The following NTN4 variants were observed in gnomAD, a reference collection of about 807,000 sequenced individuals.
The protein encoded by NTN4 is netrin 4, also known as netrin-4.
NTN4 carries 32 observed loss-of-function variants against 73.6 expected under a neutral mutation model. That is an observed-to-expected ratio of 0.44 (90% CI 0.33 to 0.58). NTN4 has a LOEUF of 0.58. Among genes scored for constraint, NTN4 ranks in the 20% least tolerant of loss-of-function variants. The pLI, the probability that NTN4 is intolerant of heterozygous loss-of-function variation, is 0.04. For missense variants in NTN4, 654 were observed against 798.3 expected, an observed-to-expected ratio of 0.82 and a Z score of 2.18; for synonymous variants, 258 against 287.5, an observed-to-expected ratio of 0.90 and a Z score of 1.04.
intron 2 of NTN4, among the ~76,000 whole-genome samples, chr12:95,749,980 C>G (rs2078892535): frequency 1.3e-5 from 2 of 149,736 alleles, no homozygotes; most frequent in Admixed American, 6.7e-5. Flanking sequence ...CCCTTAGTGG[C>G]AAGTCCCGCT....
chr12:95,674,297 C>A (rs1204548139), intron 7 of NTN4, among the ~76,000 whole-genome samples: 2 of 152,198 alleles, frequency 1.3e-5, no homozygotes, highest in Non-Finnish European at 2.9e-5. Context: ...TACTGTTCCT[C>A]AACACAATGC....
chr12:95,697,606 C>T (rs935626517), intron 5 of NTN4, among the ~76,000 whole-genome samples: 2 of 151,324 alleles, frequency 1.3e-5, no homozygotes, highest in African/African-American at 4.9e-5. Context: ...GTAAGCAGGG[C>T]CTTACAAAAC....
intron 7 of NTN4, among the ~76,000 whole-genome samples, chr12:95,674,256 T>G (rs1431948009): frequency 6.6e-6 from 1 of 152,218 alleles, no homozygotes; most frequent in Non-Finnish European, 1.5e-5. Flanking sequence ...ACTACTGTGC[T>G]ATAAAACCTA....
At position 95,744,058 on chromosome 12, in the gene NTN4, C is replaced by G. The variant is rs149559496; in HGVS notation, c.586-5914G>C. On this transcript the variant is annotated intron_variant, in intron 2 of 9. Transcript: ENST00000343702. ...TTGGGATTACAGGCTCCTGCCACCACGCCCGGCTAATTTTTGCATTTTTAG... is the reference window on the plus strand; with the variant it reads ...TTGGGATTACAGGCTCCTGCCACCAGGCCCGGCTAATTTTTGCATTTTTAG... Among the ~76,000 whole-genome samples the G allele has an allele frequency of 3.3e-5, 5 of 152,146 alleles. No homozygotes were observed. The South Asian group carries it at 1.0e-3, about 32-fold the overall frequency.
chr12:95,785,572 A>C (rs1362505955), intron 2 of NTN4, among the ~76,000 whole-genome samples: 1 of 152,198 alleles, frequency 6.6e-6, no homozygotes, highest in Admixed American at 6.5e-5. Flanking sequence ...CACACAGAAG[A>C]AGCGGCTGAA....
intron 7 of NTN4, among the ~76,000 whole-genome samples, chr12:95,676,085 T>C (rs922418341): frequency 3.3e-5 from 5 of 152,150 alleles, no homozygotes; most frequent in African/African-American, 1.2e-4. Context: ...TTAGAGATAA[T>C]CAGTAAACAA....
rs1022558893 is a variant in NTN4, at chr12:95,659,036, T to G, written c.*50A>C. The G allele has an allele frequency of 3.3e-6, 5 of 1,526,986 alleles. No homozygotes were observed. The highest frequency in any genetic ancestry group is 3.5e-6 in the Non-Finnish European group (4 of 1,141,340). 94.6% of individuals were successfully genotyped at this position (1,526,986 alleles called of 1,614,324 possible). A position where few individuals can be genotyped will look rare whatever the true frequency, so the allele number is the denominator to read the frequency against. On this transcript the variant is annotated 3_prime_UTR_variant, in exon 10 of 10. Transcript: ENST00000343702. Reference sequence around the variant, plus strand: ...TGTCTGAGGTCTTCTTGCTCTAAAGTTTGTGTTTTGTACATAGACAAGTGC... The same window carrying G: ...TGTCTGAGGTCTTCTTGCTCTAAAGGTTGTGTTTTGTACATAGACAAGTGC...
At chr12:95,721,819 T>C (rs934201996) in intron 3 of NTN4, among the ~76,000 whole-genome samples, 1 of 152,234 alleles carries the variant, frequency 6.6e-6, no homozygotes, top group Admixed American at 6.5e-5. Context: ...AGCTTTGAAT[T>C]ATTTATCTAA....
chr12:95,768,079 C>A (rs1460276461), intron 2 of NTN4, among the ~76,000 whole-genome samples: 2 of 152,134 alleles, frequency 1.3e-5, no homozygotes, highest in African/African-American at 4.8e-5. Flanking sequence ...GTAACAATAA[C>A]AACAATAGTG....
chr12:95,770,442 C>T (rs2079049445), intron 2 of NTN4, among the ~76,000 whole-genome samples: 1 of 152,088 alleles, frequency 6.6e-6, no homozygotes, highest in African/African-American at 2.4e-5. Context: ...GTGAGGTGCC[C>T]GGCTCTCCTG....
intron 2 of NTN4, among the ~76,000 whole-genome samples, chr12:95,769,532 GGAA>G (rs1315936746): frequency 2.0e-4 from 27 of 136,148 alleles, no homozygotes; most frequent in East Asian, 6.4e-4. Flanking sequence ...AGCCAGTGGT[GGAA>G]GAAGATTTAT....
rs1349857597 is a variant in NTN4 at position 95,682,056 on chromosome 12, G to GTTTTTTT, written c.1510+650_1510+651insAAAAAAA. Among the ~76,000 whole-genome samples the GTTTTTTT allele has an allele frequency of 9.5e-4, 36 of 37,934 alleles. 1 individual carries two copies. The highest frequency in any genetic ancestry group is 2.5e-3 in the South Asian group (2 of 808). The allele number at this position is 37,934 out of a possible 152,430, so 24.9% of individuals were successfully genotyped here. ...TTTCCAAACCTAATATATTCAGTAG[G>GTTTTTTT]CTTTTTTTTTTTTTTTTTTTTTTTG... On this transcript the variant is annotated intron_variant, in intron 7 of 9. Coordinates refer to ENST00000343702, the MANE Select transcript of NTN4 (RefSeq NM_021229.4).
chr12:95,698,472 T>C (rs2078458401), intron 5 of NTN4, among the ~76,000 whole-genome samples: 1 of 152,216 alleles, frequency 6.6e-6, no homozygotes, highest in African/African-American at 2.4e-5. Flanking sequence ...GCATTCCACT[T>C]TCTTCTTGGA....
At chr12:95,678,349 T>TAAA (rs59083360) in intron 7 of NTN4, among the ~76,000 whole-genome samples, 100 of 110,932 alleles carry the variant, frequency 9.0e-4, no homozygotes, top group African/African-American at 3.3e-3. Flanking sequence ...GAACTTAAAG[T>TAAA]AAAAAAAAAA....
At chr12:95,707,972 G>GTA (rs1172699601) in intron 5 of NTN4, among the ~76,000 whole-genome samples, 4 of 152,016 alleles carry the variant, frequency 2.6e-5, no homozygotes, top group Admixed American at 2.0e-4. Context: ...GGATACACAC[G>GTA]TATATATATC....
chr12:95,740,636 T>C (rs1219804245), intron 2 of NTN4, among the ~76,000 whole-genome samples: 1 of 152,150 alleles, frequency 6.6e-6, no homozygotes, highest in Non-Finnish European at 1.5e-5. Context: ...GAAAAATCGG[T>C]CATGCAAAAT....
At chr12:95,720,797 G>C (rs1416048436) in intron 3 of NTN4, among the ~76,000 whole-genome samples, 1 of 152,158 alleles carries the variant, frequency 6.6e-6, no homozygotes, top group Non-Finnish European at 1.5e-5. Context: ...GTAAGCTCAA[G>C]GAATGTGGGT....
intron 2 of NTN4, among the ~76,000 whole-genome samples, chr12:95,756,591 C>T (rs2078948591): frequency 6.6e-6 from 1 of 152,174 alleles, no homozygotes; most frequent in Non-Finnish European, 1.5e-5. Flanking sequence ...CTGATCACCT[C>T]AATTTCCTAT....
At chr12:95,764,660 A>AT (rs1377853570) in intron 2 of NTN4, among the ~76,000 whole-genome samples, 19 of 146,682 alleles carry the variant, frequency 1.3e-4, no homozygotes, top group African/African-American at 4.8e-4. Flanking sequence ...GCGAGACTCC[A>AT]TCCCCCCGCC....
Sources: allele counts gnomAD v4.1 joint callset (sites outside exome capture counted in the v4.1 genomes callset), GRCh38; gene constraint gnomAD v4.1.1; transcripts MANE v1.5; gene names NCBI Gene and HGNC (gene_info 2026-07-23, HGNC 2026-07-21).